Variants in DCAF6 observed in about 807,000 individuals in gnomAD.
The protein encoded by DCAF6 is DDB1- and CUL4-associated factor 6.
DCAF6 carries 54 observed loss-of-function variants against 125.1 expected under a neutral mutation model. The ratio of observed to expected loss-of-function variants is 0.43; its 90% CI spans 0.35 to 0.54. The LOEUF is 0.54. DCAF6 is among the 20% of genes least tolerant of loss of function. DCAF6 has a pLI of 0.01. For synonymous variants in DCAF6, 371 were observed against 390.4 expected (o/e 0.95, Z 0.58); for missense variants, 934 against 1,161.7 (o/e 0.80, Z 2.85).
At chr1:167,879,736 A>G in the DCAF6 span, among the ~76,000 whole-genome samples, 5 of 152,060 alleles carry the variant, frequency 3.3e-5, no homozygotes, top group Admixed American at 6.5e-5. Flanking sequence ...ACTTATTACT[A>G]CTCTCTTTTG....
At chr1:167,941,371 T>C (rs948150555) in intron 1 of DCAF6, among the ~76,000 whole-genome samples, 48 of 152,346 alleles carry the variant, frequency 3.2e-4, no homozygotes, top group African/African-American at 1.1e-3. Flanking sequence ...TGAATCAAGT[T>C]ATAAGTGCTT....
At chr1:167,910,565 A>G in the DCAF6 span, among the ~76,000 whole-genome samples, 2 of 152,230 alleles carry the variant, frequency 1.3e-5, no homozygotes, top group African/African-American at 4.8e-5. Context: ...TCCTTGAGGT[A>G]GAAATTTGGT....
chr1:167,921,655 T>A, the DCAF6 span, among the ~76,000 whole-genome samples: 69 of 152,230 alleles, frequency 4.5e-4, no homozygotes, highest in Admixed American at 2.2e-3. Flanking sequence ...CAAGTCACTA[T>A]GTTTGTCCCC....
intron 4 of DCAF6, among the ~76,000 whole-genome samples, chr1:167,984,855 G>C (rs1364874323): frequency 6.6e-6 from 1 of 152,146 alleles, no homozygotes; most frequent in Non-Finnish European, 1.5e-5. Flanking sequence ...TCATTTTCAT[G>C]CTGCTAATAA....
chr1:167,900,572 G>C, the DCAF6 span, among the ~76,000 whole-genome samples: 1 of 150,406 alleles, frequency 6.6e-6, no homozygotes, highest in African/African-American at 2.5e-5. Context: ...CACGCTTGTT[G>C]CCCAGGCTGG....
At chr1:168,056,943 G>A (rs12067868) in intron 17 of DCAF6, among the ~76,000 whole-genome samples, 4,384 of 152,194 alleles carry the variant, frequency 0.029, 218 homozygotes, top group African/African-American at 0.1. Flanking sequence ...TCTTTCTACA[G>A]ATTTATTCAA....
intron 2 of DCAF6, among the ~76,000 whole-genome samples, chr1:167,952,790 T>G (rs562179991): frequency 6.6e-6 from 1 of 152,294 alleles, no homozygotes; most frequent in South Asian, 2.1e-4. Flanking sequence ...AACTTTCTAC[T>G]TAACATGTCC....
In DCAF6 at chr1:168,043,095, G is replaced by A. The variant is rs147870716; in HGVS notation, c.1798G>A (p.Val600Ile). Residue 600 changes from valine (V) to isoleucine (I), a missense_variant, in exon 14 of 22, where the codon GTC becomes ATC. Val to Ile is a conservative substitution (Grantham distance 29, BLOSUM62 3). Transcript: ENST00000367840. ...CKSEGQEESFVPQSSVQPPEG... is the reference protein window; with the variant it reads ...CKSEGQEESFIPQSSVQPPEG... ...ATCTGAGGGTCAGGAGGAATCTTTC[G>A]TCCCACAGAGCTCAGTGCAACCACC... is the stretch of plus-strand genomic sequence containing the variant. The A allele has an allele frequency of 4.5e-5, 72 of 1,612,864 alleles. No individual in the cohort carries two copies. In the African/African-American group the frequency reaches 5.7e-4, roughly 13 times the overall value.
At chr1:167,893,843 T>C in the DCAF6 span, 1 of 1,606,998 alleles carries the variant, frequency 6.2e-7, no homozygotes, top group South Asian at 1.1e-5. Context: ...AAATTCAATT[T>C]TGAAAATACC....
intron 4 of DCAF6, among the ~76,000 whole-genome samples, chr1:167,985,676 CTT>C (rs1464036729): frequency 6.6e-6 from 1 of 152,138 alleles, no homozygotes; most frequent in African/African-American, 2.4e-5. Context: ...ATGTAGATAT[CTT>C]TGGGCTACTA....
chr1:167,863,580 G>A, the DCAF6 span, among the ~76,000 whole-genome samples: 1 of 152,110 alleles, frequency 6.6e-6, no homozygotes, highest in Non-Finnish European at 1.5e-5. Flanking sequence ...ACATTTCTTG[G>A]TTCCCTGACC....
At chr1:168,069,389 T>A (rs1248411551) in intron 21 of DCAF6, among the ~76,000 whole-genome samples, 1 of 152,232 alleles carries the variant, frequency 6.6e-6, no homozygotes, top group Non-Finnish European at 1.5e-5. Context: ...CCATCCACAC[T>A]GGCCCTCTTT....
chr1:167,976,878 CTTTAGCAG>C (rs1678273615), intron 4 of DCAF6, among the ~76,000 whole-genome samples: 1 of 125,474 alleles, frequency 8.0e-6, no homozygotes, highest in Non-Finnish European at 1.7e-5. Context: ...AAGGTACATC[CTTTAGCAG>C]TTTTTTTTTT....
the DCAF6 span, among the ~76,000 whole-genome samples, chr1:167,919,596 T>C: frequency 1.3e-5 from 2 of 152,218 alleles, no homozygotes; most frequent in East Asian, 3.8e-4. Context: ...TTATATACAA[T>C]TGAAAGTGAT....
chr1:167,949,400 T>C (rs918454353), intron 1 of DCAF6, among the ~76,000 whole-genome samples: 2 of 151,996 alleles, frequency 1.3e-5, no homozygotes, highest in African/African-American at 4.8e-5. Flanking sequence ...CACCCAACAC[T>C]GGAGTACTGA....
chr1:167,899,384 G>C, the DCAF6 span: 1 of 1,601,442 alleles, frequency 6.2e-7, no homozygotes, highest in East Asian at 2.2e-5. Flanking sequence ...TCTGTTACAG[G>C]CTGGCAGAAC....
chr1:167,904,251 C>A, the DCAF6 span, among the ~76,000 whole-genome samples: 1 of 152,004 alleles, frequency 6.6e-6, no homozygotes, highest in African/African-American at 2.4e-5. Flanking sequence ...CCATGCCAGG[C>A]TCGTTTTTGT....
chr1:167,962,203 T>C (rs372187324), intron 2 of DCAF6, among the ~76,000 whole-genome samples: 53 of 152,304 alleles, frequency 3.5e-4, no homozygotes, highest in Middle Eastern at 3.4e-3. Context: ...ATGTCCGTTA[T>C]ATTCAGGTAA....
chr1:167,914,762 T>C, the DCAF6 span, among the ~76,000 whole-genome samples: 1 of 152,014 alleles, frequency 6.6e-6, no homozygotes, highest in Non-Finnish European at 1.5e-5. Flanking sequence ...ACAACCACAA[T>C]TATCATTTAG....
Sources: allele counts gnomAD v4.1 joint callset (sites outside exome capture counted in the v4.1 genomes callset), GRCh38; gene constraint gnomAD v4.1.1; transcripts MANE v1.5; gene names NCBI Gene and HGNC (gene_info 2026-07-23, HGNC 2026-07-21).